Variants in ACSL6 observed in about 807,000 individuals in gnomAD.
ACSL6 encodes the protein long-chain-fatty-acid--CoA ligase 6.
A neutral mutation model predicts 98.2 loss-of-function variants in ACSL6; 47 were observed. The ratio of observed to expected loss-of-function variants is 0.48; its 90% CI spans 0.38 to 0.61. The LOEUF (loss-of-function observed/expected upper bound fraction) is 0.61. Ranked by LOEUF, ACSL6 falls within the 20% of genes least tolerant of loss-of-function variation. The pLI is 0.00. For missense variants in ACSL6, 761 were observed against 913.4 expected (o/e 0.83, Z 2.15); for synonymous variants, 362 against 336.9 (o/e 1.07, Z -0.82).
chr5:131,990,860 G>A lies in ACSL6; in HGVS notation c.378C>T (p.Ser126=). Residue 126 remains serine, a synonymous_variant, in exon 3 of 21, where the codon AGC becomes AGT. Coordinates refer to ENST00000651883, the MANE Select transcript of ACSL6 (RefSeq NM_001009185.3). ...CCCCACAACCCTTCTCACCTGAGAT[G>A]CTAAGCCCACGGCGGAACACCTGGT... ...TMYQVFRRGL[S]ISGNGPCLGF... is the part of the protein sequence containing the mutation. The A allele has an allele frequency of 6.2e-7, 1 of 1,610,218 alleles. No individual in the cohort carries two copies. Among genetic ancestry groups the A allele is most frequent in the Non-Finnish European group, 8.5e-7 (1 of 1,178,114 alleles).
At chr5:131,986,887 A>G (rs1208852814) in intron 7 of ACSL6, 33 bp from the exon 8 acceptor site, 2 of 1,613,334 alleles carry the variant, frequency 1.2e-6, no homozygotes, top group Admixed American at 1.7e-5. Context: ...TTAAATGCTC[A>G]AAAGTTCTCT....
At chr5:131,960,830 G>A in intron 18 of ACSL6, 1 of 464,840 alleles carries the variant, frequency 2.2e-6, no homozygotes, top group South Asian at 3.6e-5. Flanking sequence ...GAAAAAATAA[G>A]GACATTAAGA....
At chr5:131,973,496 C>T (rs1044575150) in intron 11 of ACSL6, 96 bp from the exon 12 acceptor site, 23 of 1,267,356 alleles carry the variant, frequency 1.8e-5, no homozygotes, top group Non-Finnish European at 2.5e-5. Context: ...ATGGAGGGCA[C>T]CCATGACCCC....
At chr5:131,968,062 G>T (rs1753113731) in intron 15 of ACSL6, 34 bp from the exon 16 acceptor site, 15 of 1,588,614 alleles carry the variant, frequency 9.4e-6, no homozygotes, top group East Asian at 2.2e-5. Flanking sequence ...ATTTGTTAGT[G>T]TTCAGATCTG....
At chr5:131,995,059 C>T (rs56162149) in intron 1 of ACSL6, among the ~76,000 whole-genome samples, 49,217 of 152,000 alleles carry the variant, frequency 0.32, 12,131 homozygotes, top group African/African-American at 0.7. Flanking sequence ...GTGCTGTGTG[C>T]GCTCCCCGGG....
chr5:131,960,215 C>A (rs1231359132), intron 19 of ACSL6, among the ~76,000 whole-genome samples: 2 of 152,128 alleles, frequency 1.3e-5, no homozygotes, highest in South Asian at 4.1e-4. Context: ...AGCTGTGTGA[C>A]CTCGGGCAAG....
At chr5:131,970,035 T>C (rs1340708562) in intron 15 of ACSL6, 93 bp downstream of exon 15, 8 of 1,093,518 alleles carry the variant, frequency 7.3e-6, no homozygotes, top group East Asian at 4.7e-5. Context: ...TAAGTACCCA[T>C]GCAAATTTAC....
At chr5:131,990,702 G>T (rs1406294688) in intron 3 of ACSL6, 151 bp downstream of exon 3, 1 of 681,970 alleles carries the variant, frequency 1.5e-6, no homozygotes, top group African/African-American at 1.8e-5. Flanking sequence ...TCTCTGACTG[G>T]TGGGAGAAAG....
chr5:131,986,945 G>C, intron 7 of ACSL6, 91 bp from the exon 8 acceptor site: 2 of 1,314,034 alleles, frequency 1.5e-6, no homozygotes, highest in Non-Finnish European at 2.2e-6. Context: ...TCTCACACAC[G>C]CACATACACA....
At chr5:131,966,641 A>G (rs2149704387) in intron 16 of ACSL6, 109 bp from the exon 17 acceptor site, 3 of 924,820 alleles carry the variant, frequency 3.2e-6, no homozygotes, top group Non-Finnish European at 5.3e-6. Flanking sequence ...CAGGAAAGCC[A>G]CTGTGGATAT....
intron 1 of ACSL6, among the ~76,000 whole-genome samples, chr5:132,007,930 A>C (rs1461329273): frequency 1.3e-5 from 2 of 152,198 alleles, no homozygotes; most frequent in Admixed American, 6.5e-5. Flanking sequence ...GCTGTAGCTG[A>C]GCCAAATTCA....
intron 3 of ACSL6, 42 bp downstream of exon 3, chr5:131,990,811 G>T: frequency 1.3e-6 from 2 of 1,548,544 alleles, no homozygotes; most frequent in East Asian, 2.3e-5. Context: ...CTCCACCCCT[G>T]CCACACAGCC....
intron 16 of ACSL6, 100 bp from the exon 17 acceptor site, chr5:131,966,632 A>C: frequency 9.8e-7 from 1 of 1,016,136 alleles, no homozygotes; most frequent in Non-Finnish European, 1.5e-6. Context: ...ACTACCCATC[A>C]GGAAAGCCAC....
chr5:131,957,399 A>G (rs1280175007), intron 20 of ACSL6, among the ~76,000 whole-genome samples: 1 of 152,256 alleles, frequency 6.6e-6, no homozygotes, highest in Non-Finnish European at 1.5e-5. Context: ...CAAATGGTTA[A>G]ATCATGGTTA....
At chr5:131,960,759 GAA>G (rs1165625551) in intron 18 of ACSL6, 138 bp from the exon 19 acceptor site, 2 of 603,704 alleles carry the variant, frequency 3.3e-6, no homozygotes, top group Non-Finnish European at 2.8e-6. Flanking sequence ...TTGATGTCAT[GAA>G]ATCTTTCTGC....
chr5:131,956,102 A>G (rs1561771283), intron 20 of ACSL6, among the ~76,000 whole-genome samples: 1 of 152,170 alleles, frequency 6.6e-6, no homozygotes, highest in Admixed American at 6.5e-5. Context: ...AGAACATTGT[A>G]TAATTGGGAC....
At chr5:132,011,837 C>G (rs942948747), upstream of ACSL6, 3 of 1,500,316 alleles carry the variant, frequency 2.0e-6, no homozygotes, top group Non-Finnish European at 2.7e-6. This position sits in a 1 kb window ranked among gnomAD's most constrained non-coding sequence, Gnocchi z 5.4. Flanking sequence ...GTCGGAACCG[C>G]CAAGCTCCCG....
intron 7 of ACSL6, 114 bp from the exon 8 acceptor site, chr5:131,986,968 C>T: frequency 7.4e-6 from 7 of 951,416 alleles, no homozygotes; most frequent in South Asian, 1.4e-5. Flanking sequence ...CACACACACA[C>T]ATACCCACAC....
chr5:131,960,562 C>T lies in ACSL6; in HGVS notation c.1917G>A (p.Lys639=), dbSNP rs770139927. 6.8e-6 allele frequency: 11 copies of T among 1,614,024 alleles called. No individual in the cohort carries two copies. The highest frequency in any genetic ancestry group is 6.6e-5 in the South Asian group (6 of 91,070). The change falls in exon 19 of 21, where the codon AAG becomes AAA. Residue 639 remains lysine, a synonymous_variant. Transcript: ENST00000651883. Reference sequence around the variant, plus strand: ...CTGCATATGTTCCTTCAATTCCTCTCTTCTGGGCCCAGGAGGGCATAACTT... The same window carrying T: ...CTGCATATGTTCCTTCAATTCCTCTTTTCTGGGCCCAGGAGGGCATAACTT... The part of the protein sequence containing the change: ...DPEVMPSWAQ[K]RGIEGTYADL...
Sources: allele counts gnomAD v4.1 joint callset (sites outside exome capture counted in the v4.1 genomes callset), GRCh38; gene constraint gnomAD v4.1.1; non-coding constraint Gnocchi (gnomAD v3.1); transcripts MANE v1.5; gene names NCBI Gene and HGNC (gene_info 2026-07-23, HGNC 2026-07-21).